HNRNPC: variants seen among roughly 807,000 people sequenced by gnomAD.
HNRNPC encodes heterogeneous nuclear ribonucleoproteins C1/C2.
Under a neutral mutation model 33.2 loss-of-function variants are expected in HNRNPC, and 3 were observed. The observed-to-expected ratio is 0.09, with a 90% confidence interval of 0.04 to 0.23. HNRNPC has a LOEUF of 0.23. Ranked by LOEUF, HNRNPC falls within the 10% of genes least tolerant of loss-of-function variation. The pLI, the probability that HNRNPC is intolerant of heterozygous loss-of-function variation, is 1.00. For synonymous variants in HNRNPC, 121 were observed against 126.7 expected (o/e 0.96, Z 0.30); for missense variants, 143 against 366.7 (o/e 0.39, Z 4.98).
chr14:21,240,252 A>G (rs1423625782), intron 2 of HNRNPC, among the ~76,000 whole-genome samples: 1 of 152,214 alleles, frequency 6.6e-6, no homozygotes, highest in Non-Finnish European at 1.5e-5. Flanking sequence ...AAAGCAAAAA[A>G]TAAGTAAAAA....
Position 21,211,397 on chromosome 14 carries a change from G to T in HNRNPC, c.798+9C>A. The T allele has an allele frequency of 6.3e-7, 1 of 1,594,718 alleles. No individual in the cohort carries two copies. Among genetic ancestry groups the T allele is most frequent in the African/African-American group, 1.5e-5 (1 of 68,512 alleles). On this transcript the variant is annotated intron_variant, in intron 8 of 8. Transcript: ENST00000553300. The stretch of plus-strand genomic sequence containing the variant: ...ACCACCTTTTTCTTTCCTTTCCCGT[G>T]GTTTTCACCTGGTCATCCCCCCGAT...
intron 5 of HNRNPC, among the ~76,000 whole-genome samples, chr14:21,218,988 T>C (rs1240917897): frequency 6.6e-6 from 1 of 151,254 alleles, no homozygotes; most frequent in African/African-American, 2.4e-5. Context: ...CACATGCTTG[T>C]AGTCCCAGCT....
intron 2 of HNRNPC, among the ~76,000 whole-genome samples, chr14:21,248,734 T>C (rs4982437): frequency 0.18 from 27,675 of 152,194 alleles, 2,947 homozygotes; most frequent in African/African-American, 0.26. Flanking sequence ...AATTACAGTG[T>C]CTACTGCAAG....
intron 2 of HNRNPC, among the ~76,000 whole-genome samples, chr14:21,241,610 T>C (rs1895353151): frequency 1.3e-5 from 2 of 152,216 alleles, no homozygotes; most frequent in African/African-American, 4.8e-5. Flanking sequence ...TAGGTCCGGC[T>C]ACCCTATCCC....
intron 2 of HNRNPC, among the ~76,000 whole-genome samples, chr14:21,244,475 G>T (rs1210592128): frequency 9.2e-5 from 14 of 152,102 alleles, no homozygotes; most frequent in Admixed American, 9.2e-4. Flanking sequence ...TCCATTTAAG[G>T]TATCCTTTCT....
chr14:21,220,372 C>T (rs957372007), intron 5 of HNRNPC, among the ~76,000 whole-genome samples: 4 of 151,884 alleles, frequency 2.6e-5, no homozygotes, highest in Non-Finnish European at 4.4e-5. Flanking sequence ...GTACTACAGG[C>T]GCCCACCACC....
At chr14:21,233,036 CAA>C (rs542905745) in intron 3 of HNRNPC, among the ~76,000 whole-genome samples, 9 of 135,816 alleles carry the variant, frequency 6.6e-5, no homozygotes, top group Admixed American at 2.2e-4. Context: ...GACTCTGTCT[CAA>C]AAAAAAAAAA....
rs562650985 is a variant in HNRNPC at position 21,233,541 on chromosome 14, C to T, written c.241+412G>A. Among the ~76,000 whole-genome samples the T allele has an allele frequency of 3.9e-5, 6 of 152,290 alleles. No individual in the cohort carries two copies. The South Asian group carries it at 1.2e-3, about 32-fold the overall frequency. On this transcript the variant is annotated intron_variant, in intron 3 of 8. Transcript: ENST00000553300. ...TAGTAAGTACTCTGAGGTGTCATTA[C>T]ATTTTAAAATACAAGAAAATCTAAC...
At chr14:21,266,259 C>T (rs1463472464) in intron 1 of HNRNPC, among the ~76,000 whole-genome samples, 1 of 152,082 alleles carries the variant, frequency 6.6e-6, no homozygotes, top group East Asian at 1.9e-4. Flanking sequence ...AGCGCCAGCA[C>T]GCCAAGCTAA....
intron 2 of HNRNPC, among the ~76,000 whole-genome samples, chr14:21,258,416 A>T (rs549081510): frequency 2.0e-5 from 3 of 152,094 alleles, no homozygotes; most frequent in Admixed American, 6.6e-5. Context: ...TCAACATATC[A>T]AAGTGACGAA....
chr14:21,268,601 GAGAA>G (rs1200386682), intron 1 of HNRNPC: 2 of 152,086 alleles, frequency 1.3e-5, no homozygotes, highest in Non-Finnish European at 2.9e-5. Context: ...GTTTCCGTCT[GAGAA>G]AGAGAGTTAA....
chr14:21,209,374 C>T lies in HNRNPC; in HGVS notation c.*1849G>A, dbSNP rs904082471. The T allele has an allele frequency of 1.3e-5, 2 of 152,192 alleles. No individual in the cohort carries two copies. Among genetic ancestry groups the T allele is most frequent in the Non-Finnish European group, 2.9e-5 (2 of 68,022 alleles). The allele number at this position is 152,192 out of a possible 1,614,324, so 9.4% of individuals were successfully genotyped here. On this transcript the variant is annotated 3_prime_UTR_variant, in exon 9 of 9. Coordinates refer to ENST00000553300, the MANE Select transcript of HNRNPC (RefSeq NM_004500.4). ...TTGTTCAGTATTTCCCAAAAACTTA[C>T]AGCTAACAATAATATTAAACAGGTT...
At chr14:21,249,478 T>C (rs1896369835) in intron 2 of HNRNPC, among the ~76,000 whole-genome samples, 1 of 150,628 alleles carries the variant, frequency 6.6e-6, no homozygotes, top group South Asian at 2.1e-4. Context: ...TCCCAGCTAC[T>C]TGGGAGGCTG....
rs1382783076 is a variant in HNRNPC, at chr14:21,209,238, G to GT, written c.*1984dup. 6.6e-6 allele frequency: 1 copy of GT among 152,162 alleles called. No individual in the cohort carries two copies. Among genetic ancestry groups the GT allele is most frequent in the Non-Finnish European group, 1.5e-5 (1 of 68,022 alleles). The allele number at this position is 152,162 out of a possible 1,614,324, so 9.4% of individuals were successfully genotyped here. A position where few individuals can be genotyped will look rare whatever the true frequency, so the allele number is the denominator to read the frequency against. ...ACATATAAATACTATGCCATTTTATGTAAGGGACTTGAACATCTGCAGATT... is the reference window on the plus strand; with the variant it reads ...ACATATAAATACTATGCCATTTTATGTTAAGGGACTTGAACATCTGCAGATT... On this transcript the variant is annotated 3_prime_UTR_variant, in exon 9 of 9. Transcript: ENST00000553300.
At chr14:21,240,542 T>C (rs1895221256) in intron 2 of HNRNPC, among the ~76,000 whole-genome samples, 1 of 152,144 alleles carries the variant, frequency 6.6e-6, no homozygotes, top group Non-Finnish European at 1.5e-5. Flanking sequence ...CACAAACAGG[T>C]TGTGAGAGCC....
intron 5 of HNRNPC, among the ~76,000 whole-genome samples, chr14:21,225,558 T>C (rs567132924): frequency 2.0e-5 from 3 of 152,192 alleles, no homozygotes; most frequent in Non-Finnish European, 4.4e-5. Flanking sequence ...TTCTAAAAGG[T>C]GTCCATCCTC....
chr14:21,213,577 ATC>A (rs926649256), intron 5 of HNRNPC, among the ~76,000 whole-genome samples: 9 of 152,284 alleles, frequency 5.9e-5, no homozygotes, highest in African/African-American at 2.2e-4. Context: ...CATTAGCGAA[ATC>A]TCTGATTCTT....
At chr14:21,219,024 C>A (rs1442225427) in intron 5 of HNRNPC, among the ~76,000 whole-genome samples, 2 of 148,926 alleles carry the variant, frequency 1.3e-5, no homozygotes, top group Non-Finnish European at 3.0e-5. Flanking sequence ...GCAGGAGAAT[C>A]GCTTGAACCC....
intron 5 of HNRNPC, 24 bp downstream of exon 5, chr14:21,230,295 G>C (rs1893969001): frequency 6.5e-7 from 1 of 1,543,700 alleles, no homozygotes; most frequent in South Asian, 1.1e-5. Context: ...CTGTTTAGCA[G>C]AAATACAAAA....
Sources: allele counts gnomAD v4.1 joint callset (sites outside exome capture counted in the v4.1 genomes callset), GRCh38; gene constraint gnomAD v4.1.1; transcripts MANE v1.5; gene names NCBI Gene and HGNC (gene_info 2026-07-23, HGNC 2026-07-21).